RDH10: variants seen among roughly 807,000 people sequenced by gnomAD.
The protein encoded by RDH10 is retinol dehydrogenase 10 (all-trans).
In RDH10, 12 loss-of-function variants were observed where a neutral mutation model predicts 30.2. The observed-to-expected ratio is 0.40, with a 90% CI of 0.25 to 0.64. The LOEUF (loss-of-function observed/expected upper bound fraction) is 0.64. Among genes scored for constraint, RDH10 ranks in the 30% least tolerant of loss-of-function variants. RDH10 has a pLI of 0.43. For synonymous variants in RDH10, 189 were observed against 172.2 expected, an observed-to-expected ratio of 1.10 and a Z score of -0.76; for missense variants, 268 against 445.2, an observed-to-expected ratio of 0.60 and a Z score of 3.58.
chr8:73,315,439 T>C lies in RDH10; in HGVS notation c.526-3657T>C, dbSNP rs1324065131. 9.4e-6 allele frequency: 3 copies of C among 319,310 alleles called. 1 individual carries two copies. The Admixed American group carries it at 1.0e-4, about 11-fold the overall frequency. 19.8% of individuals were successfully genotyped at this position (319,310 alleles called of 1,614,324 possible). A position where few individuals can be genotyped will look rare whatever the true frequency, so the allele number is the denominator to read the frequency against. ...CCTTATGGACAAACTGGAACTATTT[T>C]ATTTAATTTAATACCACCAGATTCA... On this transcript the variant is annotated intron_variant, in intron 2 of 5. Transcript: ENST00000240285.
intron 2 of RDH10, among the ~76,000 whole-genome samples, chr8:73,310,692 G>C (rs190576464): frequency 1.3e-5 from 2 of 152,242 alleles, no homozygotes; most frequent in Non-Finnish European, 2.9e-5. Context: ...CTGCAATTTT[G>C]TGGGTTATTT....
intron 2 of RDH10, among the ~76,000 whole-genome samples, chr8:73,308,114 CAAAA>C (rs962548431): frequency 6.6e-6 from 1 of 152,030 alleles, no homozygotes; most frequent in African/African-American, 2.4e-5. Flanking sequence ...AAATTAGACA[CAAAA>C]AAAGTCACGA....
chr8:73,321,053 G>A lies in RDH10; in HGVS notation c.746G>A (p.Gly249Asp). The change falls in exon 4 of 6, where the codon GGC (glycine) becomes GAC (aspartate). Residue 249 changes from glycine (G) to aspartate (D), a missense_variant. By Grantham distance (94) the Gly-to-Asp change is moderately conservative. This residue lies in a region of RDH10 where 136 missense variants were observed against 288.8 expected (regional missense o/e 0.47). Coordinates refer to ENST00000240285, the MANE Select transcript of RDH10 (RefSeq NM_172037.5). ...TLVCPYLVDT[G>D]MFRGCRIRKE... The stretch of plus-strand genomic sequence containing the variant: ...GTTTGCCCTTATCTTGTAGACACTG[G>A]CATGTTCAGAGGCTGCCGAATCAGG... The A allele has an allele frequency of 1.2e-6, 2 of 1,613,772 alleles. No homozygotes were observed. Among genetic ancestry groups the A allele is most frequent in the Non-Finnish European group, 1.7e-6 (2 of 1,179,738 alleles).
intron 2 of RDH10, among the ~76,000 whole-genome samples, chr8:73,299,489 A>C (rs1186002856): frequency 6.6e-6 from 1 of 152,222 alleles, no homozygotes; most frequent in African/African-American, 2.4e-5. Flanking sequence ...ATATTTGAAG[A>C]ATGGTAAAGA....
chr8:73,307,937 A>G (rs562031751), intron 2 of RDH10, among the ~76,000 whole-genome samples: 8 of 152,330 alleles, frequency 5.3e-5, no homozygotes, highest in African/African-American at 1.7e-4. Flanking sequence ...AACCAATACT[A>G]TACTAGAATT....
In RDH10 at chr8:73,295,542, C is replaced by G; in HGVS notation, c.253C>G (p.Arg85Gly). 1 of 1,548,426 alleles carries G rather than the reference C, an allele frequency of 6.5e-7. No homozygotes were observed. The highest frequency in any genetic ancestry group is 8.7e-7 in the Non-Finnish European group (1 of 1,148,284). ...GGCTGGCATGGTGCGCCACATCTAC[C>G]GCGACCTGGAGGCGGCCGACGCCGC... ...ETAGMVRHIYRDLEAADAAAL... is the reference protein window; with the variant it reads ...ETAGMVRHIYGDLEAADAAAL... The change falls in exon 1 of 6, where the codon CGC becomes GGC. Residue 85 changes from arginine to glycine, a missense_variant. This residue lies in a region of RDH10 where 46 missense variants were observed against 36.7 expected (regional missense o/e 1.25). Transcript: ENST00000240285.
intron 1 of RDH10, 88 bp from the exon 2 acceptor site, chr8:73,297,106 T>C: frequency 1.3e-6 from 1 of 776,002 alleles, no homozygotes; most frequent in Non-Finnish European, 2.3e-6. Context: ...TTTTGTGTGA[T>C]CTTTGTCCTA....
chr8:73,295,083 G>C lies in RDH10; in HGVS notation c.-207G>C, dbSNP rs1411561942. 2.8e-6 allele frequency: 1 copy of C among 352,550 alleles called. No homozygotes were observed. The highest frequency in any genetic ancestry group is 4.9e-6 in the Non-Finnish European group (1 of 202,340). 21.8% of individuals were successfully genotyped at this position (352,550 alleles called of 1,614,324 possible). A position where few individuals can be genotyped will look rare whatever the true frequency, so the allele number is the denominator to read the frequency against. On this transcript the variant is annotated 5_prime_UTR_variant, in exon 1 of 6. Coordinates refer to ENST00000240285, the MANE Select transcript of RDH10 (RefSeq NM_172037.5). ...GCGGCGGGCACAGTCCGGGGCCACA[G>C]CGCCGAGCCCGGGCGGGAGTGGCCC...
chr8:73,313,062 C>G (rs1814597945), intron 2 of RDH10: 1 of 152,134 alleles, frequency 6.6e-6, no homozygotes, highest in African/African-American at 2.4e-5. Context: ...AAAATGTCAT[C>G]AATCTCAGAA....
At chr8:73,295,626 C>T in intron 1 of RDH10, 48 bp downstream of exon 1, 1 of 1,429,536 alleles carries the variant, frequency 7.0e-7, no homozygotes, top group Non-Finnish European at 9.2e-7. Flanking sequence ...CCTCTTTCCA[C>T]CCCGCGCCCT....
In RDH10 at chr8:73,295,148, G is replaced by C. The variant is rs1288868233; in HGVS notation, c.-142G>C. The C allele has an allele frequency of 1.1e-5, 8 of 723,260 alleles. No individual in the cohort carries two copies. Among genetic ancestry groups the C allele is most frequent in the Non-Finnish European group, 1.6e-5 (8 of 493,554 alleles). The allele number at this position is 723,260 out of a possible 1,614,324, so 44.8% of individuals were successfully genotyped here. ...GCGGCGCCGCGCACTCCAACCCGGC[G>C]GGCACCTCGGGGGCGGGCGCGGGGC... On this transcript the variant is annotated 5_prime_UTR_variant, in exon 1 of 6. Transcript: ENST00000240285.
chr8:73,297,470 T>G, intron 2 of RDH10, 41 bp downstream of exon 2: 2 of 1,407,952 alleles, frequency 1.4e-6, no homozygotes, highest in Non-Finnish European at 2.0e-6. Context: ...GGGCCCTCCT[T>G]AATGAGAAGG....
chr8:73,295,689 G>A, intron 1 of RDH10, 111 bp downstream of exon 1: 1 of 1,128,274 alleles, frequency 8.9e-7, no homozygotes, highest in Non-Finnish European at 1.2e-6. Context: ...GTGGAGGAAA[G>A]GAACACCCCA....
chr8:73,305,925 C>A (rs879866649), intron 2 of RDH10, among the ~76,000 whole-genome samples: 1 of 152,198 alleles, frequency 6.6e-6, no homozygotes, highest in African/African-American at 2.4e-5. Flanking sequence ...ATATGTTAAT[C>A]TTTCTTATCA....
At chr8:73,318,087 A>C (rs1814705121) in intron 2 of RDH10, among the ~76,000 whole-genome samples, 1 of 152,176 alleles carries the variant, frequency 6.6e-6, no homozygotes, top group Admixed American at 6.5e-5. Context: ...AATCATGGGA[A>C]GCTGTGCTGG....
chr8:73,296,106 C>T (rs571733788), intron 1 of RDH10, among the ~76,000 whole-genome samples: 10 of 152,288 alleles, frequency 6.6e-5, no homozygotes, highest in Non-Finnish European at 1.2e-4. Flanking sequence ...ATTCCCTGAG[C>T]GTGATTGAAA....
chr8:73,308,899 A>C (rs994059793), intron 2 of RDH10, among the ~76,000 whole-genome samples: 1 of 152,052 alleles, frequency 6.6e-6, no homozygotes, highest in Non-Finnish European at 1.5e-5. Flanking sequence ...GCTCAGGCTC[A>C]CTCTAGAACC....
In RDH10 at chr8:73,322,731, C is replaced by G. The variant is rs1333140987; in HGVS notation, c.823C>G (p.Gln275Glu). The change falls in exon 5 of 6, where the codon CAG becomes GAG. Residue 275 changes from glutamine to glutamate, a missense_variant. By Grantham distance (29) the Gln-to-Glu change is conservative (BLOSUM62 2). Coordinates refer to ENST00000240285, the MANE Select transcript of RDH10 (RefSeq NM_172037.5). ...TCTGAAGCCTGATTACTGTGTGAAGCAGGCCATGAAGGCCATCCTCACTGA... is the reference window on the plus strand; with the variant it reads ...TCTGAAGCCTGATTACTGTGTGAAGGAGGCCATGAAGGCCATCCTCACTGA... ...PPLKPDYCVK[Q>E]AMKAILTDQP... 6.2e-7 allele frequency: 1 copy of G among 1,613,822 alleles called. No homozygotes were observed. The highest frequency in any genetic ancestry group is 1.7e-5 in the Admixed American group (1 of 60,022).
At chr8:73,302,944 T>C (rs1479307015) in intron 2 of RDH10, among the ~76,000 whole-genome samples, 3 of 152,196 alleles carry the variant, frequency 2.0e-5, no homozygotes, top group Non-Finnish European at 4.4e-5. Flanking sequence ...CAAAAGCATT[T>C]AACTCCAGGC....
Sources: gnomAD v4.1 joint callset for allele counts (sites outside exome capture counted in the v4.1 genomes callset) on GRCh38, gnomAD v4.1.1 for gene constraint, gnomAD v4.1.1 regional missense constraint, MANE v1.5 for transcripts, NCBI Gene and HGNC (gene_info 2026-07-23, HGNC 2026-07-21) for gene names.